ACSBG2: variants seen among roughly 807,000 people sequenced by gnomAD.
ACSBG2 encodes the protein acyl-CoA synthetase bubblegum family member 2.
A neutral mutation model predicts 74.7 loss-of-function variants in ACSBG2; 62 were observed. That is an observed-to-expected ratio of 0.83 (90% CI 0.68 to 1.03). The LOEUF (loss-of-function observed/expected upper bound fraction) is 1.03, where lower values mean the gene tolerates loss of function less well. Among genes scored for constraint, ACSBG2 ranks in the 50% least tolerant of loss-of-function variants. ACSBG2 has a pLI of 0.00. For synonymous variants in ACSBG2, 309 were observed against 294.1 expected (o/e 1.05, Z -0.52); for missense variants, 730 against 817.6 (o/e 0.89, Z 1.31).
intron 11 of ACSBG2, among the ~76,000 whole-genome samples, chr19:6,186,269 T>C (rs2090404832): frequency 6.6e-6 from 1 of 152,204 alleles, no homozygotes; most frequent in Non-Finnish European, 1.5e-5. Context: ...TGTTGTAGCT[T>C]CTCAACTCTG....
At chr19:6,150,005 C>T (rs988112091) in intron 3 of ACSBG2, among the ~76,000 whole-genome samples, 9 of 151,840 alleles carry the variant, frequency 5.9e-5, no homozygotes, top group East Asian at 1.9e-4. Context: ...GAGGGTGAGG[C>T]GGGAGGATTG....
chr19:6,150,593 C>T (rs1010785239), intron 3 of ACSBG2, among the ~76,000 whole-genome samples: 4 of 152,120 alleles, frequency 2.6e-5, no homozygotes, highest in African/African-American at 7.2e-5. Flanking sequence ...AAGCCAGACA[C>T]AAAAGGGCAA....
rs1391866718 is a variant in ACSBG2, at chr19:6,176,493, A to G, written c.739-736A>G. Reference sequence around the variant, plus strand: ...GTGCCTTATACTGACTTATGAAAAAACAACACACACACACACACGCACTCA... The same window carrying G: ...GTGCCTTATACTGACTTATGAAAAAGCAACACACACACACACACGCACTCA... On this transcript the variant is annotated intron_variant, in intron 7 of 14. Coordinates refer to ENST00000588485, the MANE Select transcript of ACSBG2 (RefSeq NM_030924.5). The G allele has an allele frequency of 2.7e-5, 27 of 1,017,902 alleles. No homozygotes were observed. The East Asian group carries it at 8.0e-4, about 30-fold the overall frequency. 63.1% of individuals were successfully genotyped at this position (1,017,902 alleles called of 1,614,324 possible).
chr19:6,157,642 T>A (rs2089469715), intron 5 of ACSBG2, among the ~76,000 whole-genome samples: 1 of 151,900 alleles, frequency 6.6e-6, no homozygotes, highest in Non-Finnish European at 1.5e-5. Flanking sequence ...CTGTTGAACT[T>A]CTGGCCTCAA....
chr19:6,179,958 C>A (rs1732642695), intron 8 of ACSBG2, among the ~76,000 whole-genome samples: 1 of 152,086 alleles, frequency 6.6e-6, no homozygotes. Flanking sequence ...TGAAAATGGT[C>A]TCACTGGGCT....
At chr19:6,175,939 T>C (rs1052432914) in intron 7 of ACSBG2, 6 of 161,116 alleles carry the variant, frequency 3.7e-5, no homozygotes, top group Non-Finnish European at 8.1e-5. Context: ...ACGAGGGATT[T>C]TAAGGAAATA....
intron 10 of ACSBG2, among the ~76,000 whole-genome samples, chr19:6,184,872 A>AAAAAAAAAAAAAAAC: frequency 8.6e-6 from 1 of 116,868 alleles, no homozygotes; most frequent in Non-Finnish European, 1.8e-5. Flanking sequence ...AAAAAAAAAA[A>AAAAAAAAAAAAAAAC]CGAAAAACAG....
chr19:6,156,786 A>ATT (rs113271517), intron 5 of ACSBG2, among the ~76,000 whole-genome samples: 5 of 128,528 alleles, frequency 3.9e-5, no homozygotes, highest in Non-Finnish European at 4.9e-5. Context: ...CTCAGCCTCC[A>ATT]TTTTTTTTTT....
chr19:6,170,986 T>C (rs1340346411), intron 7 of ACSBG2, among the ~76,000 whole-genome samples: 1 of 151,364 alleles, frequency 6.6e-6, no homozygotes, highest in Non-Finnish European at 1.5e-5. Context: ...TTTTTTTTTT[T>C]CTTAACTGTC....
chr19:6,190,360 T>G (rs1183761298), intron 13 of ACSBG2: 16 of 512,056 alleles, frequency 3.1e-5, no homozygotes, highest in South Asian at 3.0e-4. Flanking sequence ...GAATGCACCA[T>G]GCTCTTCACC....
Position 6,147,654 on chromosome 19 carries a change from G to A in ACSBG2, c.276G>A (p.Lys92=). ...ACCAGTACTATGAGGCTTGTCGGAA[G>A]GCTGCAAAATCCTTGATCAAGGTAA... ...NFNQYYEACR[K]AAKSLIKLGL... The change falls in exon 3 of 15, where the codon AAG becomes AAA. Residue 92 remains lysine, a synonymous_variant. Coordinates refer to ENST00000588485, the MANE Select transcript of ACSBG2 (RefSeq NM_030924.5). The A allele has an allele frequency of 1.2e-6, 2 of 1,614,178 alleles. No homozygotes were observed. The highest frequency in any genetic ancestry group is 1.7e-6 in the Non-Finnish European group (2 of 1,179,982).
intron 5 of ACSBG2, among the ~76,000 whole-genome samples, chr19:6,160,162 G>A (rs918722783): frequency 4.6e-5 from 7 of 151,972 alleles, no homozygotes; most frequent in African/African-American, 1.7e-4. Context: ...AGGCTGAGGT[G>A]GGCGGATCAC....
intron 1 of ACSBG2, among the ~76,000 whole-genome samples, chr19:6,136,282 TGGGGTTTCA>T (rs201562950): frequency 6.6e-6 from 1 of 151,990 alleles, no homozygotes; most frequent in East Asian, 1.9e-4. Flanking sequence ...TTAGTAGAGA[TGGGGTTTCA>T]CCACATTAGC....
chr19:6,183,255 T>A lies in ACSBG2; in HGVS notation c.1305T>A (p.Asn435Lys). The A allele has an allele frequency of 6.2e-7, 1 of 1,613,774 alleles. No homozygotes were observed. The highest frequency in any genetic ancestry group is 1.1e-5 in the South Asian group (1 of 91,082). ...SSGPHTISNQ[N>K]NYRLLSCGKI... The stretch of plus-strand genomic sequence containing the variant: ...GACCCCACACGATATCCAACCAGAA[T>A]AACTACAGGCTTCTAAGGTACCAGC... The change falls in exon 10 of 15, where the codon AAT becomes AAA. Residue 435 changes from asparagine (N) to lysine (K), a missense_variant. Asn to Lys is a moderately conservative substitution (Grantham distance 94). Coordinates refer to ENST00000588485, the MANE Select transcript of ACSBG2 (RefSeq NM_030924.5).
intron 14 of ACSBG2, 65 bp downstream of exon 14, chr19:6,190,757 G>C: frequency 9.9e-7 from 1 of 1,009,062 alleles, no homozygotes; most frequent in Non-Finnish European, 1.6e-6. Flanking sequence ...GCTCCACTGT[G>C]TGGCAGGCAG....
At chr19:6,184,961 C>T (rs531008229) in intron 10 of ACSBG2, among the ~76,000 whole-genome samples, 57 of 149,094 alleles carry the variant, frequency 3.8e-4, no homozygotes, top group African/African-American at 1.0e-3. Context: ...CTTGCTCTGT[C>T]GCCCAGGCTG....
At chr19:6,146,455 G>C (rs1300825236) in intron 2 of ACSBG2, among the ~76,000 whole-genome samples, 4 of 124,784 alleles carry the variant, frequency 3.2e-5, no homozygotes, top group African/African-American at 1.3e-4. Flanking sequence ...GGGCAAAAGA[G>C]TGAGACTCCG....
chr19:6,142,229 C>T (rs1270402445), intron 2 of ACSBG2, among the ~76,000 whole-genome samples: 1 of 152,134 alleles, frequency 6.6e-6, no homozygotes, highest in Non-Finnish European at 1.5e-5. Flanking sequence ...GGATAAAGTA[C>T]CCAGGAATCA....
intron 6 of ACSBG2, among the ~76,000 whole-genome samples, chr19:6,165,607 C>T (rs59758906): frequency 9.7e-4 from 148 of 152,338 alleles, no homozygotes; most frequent in African/African-American, 3.5e-3. Flanking sequence ...CAAGGAGTTG[C>T]GTCCTGACAT....
Sources: gnomAD v4.1 joint callset for allele counts (sites outside exome capture counted in the v4.1 genomes callset) on GRCh38, gnomAD v4.1.1 for gene constraint, MANE v1.5 for transcripts, NCBI Gene and HGNC (gene_info 2026-07-23, HGNC 2026-07-21) for gene names.